GANAB: variants seen among roughly 807,000 people sequenced by gnomAD.
The protein encoded by GANAB is neutral alpha-glucosidase AB.
A neutral mutation model predicts 129.9 loss-of-function variants in GANAB; 35 were observed. That is an observed-to-expected ratio of 0.27 (90% CI 0.21 to 0.36). GANAB has a LOEUF of 0.36. Among genes scored for constraint, GANAB ranks in the 10% least tolerant of loss-of-function variants. The probability of loss-of-function intolerance (pLI) is 1.00; values close to 1 mark genes in which losing one functional copy is unlikely to be tolerated. For synonymous variants in GANAB, 482 were observed against 451.8 expected (o/e 1.07, Z -0.85); for missense variants, 939 against 1,221.0 (o/e 0.77, Z 3.44).
chr11:62,631,584 T>A (rs900938684), intron 9 of GANAB, among the ~76,000 whole-genome samples: 5 of 151,576 alleles, frequency 3.3e-5, no homozygotes, highest in African/African-American at 1.2e-4. Flanking sequence ...TGCCTCAGCC[T>A]CCCGAGTAGC....
intron 13 of GANAB, 112 bp downstream of exon 13, chr11:62,630,085 G>T: frequency 1.6e-6 from 2 of 1,289,352 alleles, no homozygotes; most frequent in African/African-American, 1.5e-5. Flanking sequence ...GATCATCAAG[G>T]CCCCCTGATA....
In GANAB at chr11:62,625,222, G is replaced by T. The variant is rs1195482560; in HGVS notation, c.*593C>A. ...CAGCTCTACAAGGAATCGGGGAGAG[G>T]AAAAGGGTAGAATGAGAGGGAAAAG... On this transcript the variant is annotated 3_prime_UTR_variant, in exon 24 of 24. Coordinates refer to ENST00000356638, the MANE Select transcript of GANAB (RefSeq NM_198334.3). 1 of 454,804 alleles carries T rather than the reference G, an allele frequency of 2.2e-6. No individual in the cohort carries two copies. The highest frequency in any genetic ancestry group is 2.4e-5 in the Admixed American group (1 of 42,552). The allele number at this position is 454,804 out of a possible 1,614,324, so 28.2% of individuals were successfully genotyped here. A position where few individuals can be genotyped will look rare whatever the true frequency, so the allele number is the denominator to read the frequency against.
chr11:62,632,333 C>T (rs1485581270), intron 9 of GANAB, among the ~76,000 whole-genome samples: 2 of 152,132 alleles, frequency 1.3e-5, no homozygotes, highest in South Asian at 2.1e-4. Flanking sequence ...GTACCTAGCA[C>T]GTAACACACT....
Position 62,628,829 on chromosome 11 carries a change from A to G in GANAB, c.2120T>C (p.Leu707Ser). The change falls in exon 17 of 24, where the codon TTG (leucine) becomes TCG (serine). Residue 707 changes from leucine (L) to serine (S), a missense_variant. By Grantham distance (145) the Leu-to-Ser change is moderately radical. Around this residue, in one of 5 missense-constraint regions of GANAB, gnomAD observed 147 missense variants for 282.4 expected, o/e 0.52. Coordinates refer to ENST00000356638, the MANE Select transcript of GANAB (RefSeq NM_198334.3). ...TAAGAGGGTGTACCAGAAGGGCAGC[A>G]AAGAATATCGCTGGCCCAAGGCATC... The part of the protein sequence containing the change: ...IRDALGQRYS[L>S]LPFWYTLLYQ... The G allele has an allele frequency of 6.2e-7, 1 of 1,613,976 alleles. No homozygotes were observed. Among genetic ancestry groups the G allele is most frequent in the Non-Finnish European group, 8.5e-7 (1 of 1,179,854 alleles).
chr11:62,646,564 C>A lies in GANAB; in HGVS notation c.36G>T (p.Arg12Ser). ...CCCCCAGATTCCGGGCTCCTCACCG[C>A]CTCCTACGCGCCGCCACTGCCGCTA... The part of the protein sequence containing the change: ...AAVAAVAARR[R>S]RSWASLVLAF... Residue 12 changes from arginine to serine, a missense_variant and splice_region_variant, in exon 1 of 24, where the codon AGG becomes AGT. Transcript: ENST00000356638. The A allele has an allele frequency of 6.2e-7, 1 of 1,613,684 alleles. No homozygotes were observed. The highest frequency in any genetic ancestry group is 8.5e-7 in the Non-Finnish European group (1 of 1,179,924).
At chr11:62,635,576 T>G (rs999663077) in intron 4 of GANAB, among the ~76,000 whole-genome samples, 4 of 107,368 alleles carry the variant, frequency 3.7e-5, no homozygotes, top group Non-Finnish European at 7.7e-5. Flanking sequence ...AAAAAACATT[T>G]TCCATATAGG....
Position 62,626,691 on chromosome 11 carries a change from C to A in GANAB, c.2398-7G>T, listed in dbSNP as rs369733064. 7 of 1,574,378 alleles carry A rather than the reference C, an allele frequency of 4.4e-6. No homozygotes were observed. The highest frequency in any genetic ancestry group is 1.7e-5 in the Admixed American group (1 of 57,796). On this transcript the variant is annotated splice_region_variant and splice_polypyrimidine_tract_variant and intron_variant, in intron 20 of 23. Transcript: ENST00000356638. ...CACGCTGGAACACAGGGATCTAGGG[C>A]AAGAGCAATGCCAGGATGAAGTTGC...
chr11:62,633,233 T>C lies in GANAB; in HGVS notation c.669A>G (p.Pro223=). 6.2e-7 allele frequency: 1 copy of C among 1,614,190 alleles called. No individual in the cohort carries two copies. Residue 223 remains proline (P), a synonymous_variant, in exon 7 of 24, where the codon CCA becomes CCG. Coordinates refer to ENST00000356638, the MANE Select transcript of GANAB (RefSeq NM_198334.3). ...ETQGKAEKDE[P]GAWEETFKTH... is the part of the protein sequence containing the mutation. The stretch of plus-strand genomic sequence containing the variant: ...TTTTGAATGTCTCCTCCCAGGCTCC[T>C]GGCTCATCTTTCTCTGCCTTCCCCT...
At chr11:62,637,486 C>T (rs1232397265) in intron 4 of GANAB, among the ~76,000 whole-genome samples, 1 of 152,114 alleles carries the variant, frequency 6.6e-6, no homozygotes, top group Non-Finnish European at 1.5e-5. Context: ...CTGATCATCT[C>T]CATATTCTAC....
At chr11:62,630,963 C>T in intron 10 of GANAB, 67 bp downstream of exon 10, 1 of 1,541,290 alleles carries the variant, frequency 6.5e-7, no homozygotes, top group Non-Finnish European at 8.9e-7. Flanking sequence ...GGCACAGGAT[C>T]TCTGAAAACA....
chr11:62,636,596 C>T (rs1272694876), intron 4 of GANAB, among the ~76,000 whole-genome samples: 2 of 152,164 alleles, frequency 1.3e-5, no homozygotes, highest in Non-Finnish European at 2.9e-5. Flanking sequence ...GCAGGTGGAT[C>T]ATGAGGTCAG....
At position 62,630,728 on chromosome 11, in the gene GANAB, T is replaced by C. The variant is rs146956329; in HGVS notation, c.1259A>G (p.Asn420Ser). The C allele has an allele frequency of 4.8e-4, 773 of 1,613,804 alleles. No homozygotes were observed. Among genetic ancestry groups the C allele is most frequent in the Non-Finnish European group, 6.2e-4 (729 of 1,179,736 alleles). Residue 420 changes from asparagine to serine, a missense_variant, in exon 11 of 24, where the codon AAC (asparagine) becomes AGC (serine). Coordinates refer to ENST00000356638, the MANE Select transcript of GANAB (RefSeq NM_198334.3). ...TAGCCAGATGACATCACAGGGCAGGTTGTGATCATCAAAGCCCTGATCCAC... is the reference window on the plus strand; with the variant it reads ...TAGCCAGATGACATCACAGGGCAGGCTGTGATCATCAAAGCCCTGATCCAC... The part of the protein sequence containing the change: ...LEVDQGFDDH[N>S]LPCDVIWLDI...
At chr11:62,641,187 T>A (rs1944239169) in intron 1 of GANAB, among the ~76,000 whole-genome samples, 1 of 151,222 alleles carries the variant, frequency 6.6e-6, no homozygotes, top group South Asian at 2.1e-4. Flanking sequence ...CTACTTAAAA[T>A]ACAAAAATTA....
intron 5 of GANAB, 180 bp from the exon 6 acceptor site, chr11:62,633,694 G>T (rs1943801633): frequency 6.5e-6 from 4 of 615,272 alleles, no homozygotes; most frequent in Non-Finnish European, 1.2e-5. Flanking sequence ...TGCAAAGGAT[G>T]GGGAGAGAAA....
At chr11:62,639,156 C>T in intron 3 of GANAB, 46 bp from the exon 4 acceptor site, 1 of 1,605,320 alleles carries the variant, frequency 6.2e-7, no homozygotes, top group Non-Finnish European at 8.5e-7. Flanking sequence ...ATGGGATACA[C>T]CATGGAATGC....
At position 62,632,641 on chromosome 11, in the gene GANAB, G is replaced by T; in HGVS notation, c.920C>A (p.Pro307His). 1.2e-6 allele frequency: 2 copies of T among 1,614,012 alleles called. No homozygotes were observed. Among genetic ancestry groups the T allele is most frequent in the Admixed American group, 3.3e-5 (2 of 60,016 alleles). The change falls in exon 9 of 24, where the codon CCT (proline) becomes CAT (histidine). Residue 307 changes from proline to histidine, a missense_variant. Pro to His is a moderately conservative substitution (Grantham distance 77). Transcript: ENST00000356638. ...GSVPVLLAHNPHRDLGIFWLN... is the reference protein window; with the variant it reads ...GSVPVLLAHNHHRDLGIFWLN... ...CCAGAAGATGCCCAAGTCGCGATGA[G>T]GGTTGTGTGCCAGGAGCACAGGCAC...
chr11:62,639,745 G>A lies in GANAB; in HGVS notation c.39-14C>T, dbSNP rs768039278. 4 of 1,571,536 alleles carry A rather than the reference G, an allele frequency of 2.5e-6. No individual in the cohort carries two copies. The highest frequency in any genetic ancestry group is 2.2e-5 in the East Asian group (1 of 44,670). On this transcript the variant is annotated splice_polypyrimidine_tract_variant and intron_variant, in intron 1 of 23. Coordinates refer to ENST00000356638, the MANE Select transcript of GANAB (RefSeq NM_198334.3). ...GACGCCCAAGACCTAAGGAGAAAAGGACAAAGACAGAGCAATCAGCATGGA... is the reference window on the plus strand; with the variant it reads ...GACGCCCAAGACCTAAGGAGAAAAGAACAAAGACAGAGCAATCAGCATGGA...
intron 13 of GANAB, 31 bp downstream of exon 13, chr11:62,630,166 G>A (rs775710075): frequency 2.0e-6 from 3 of 1,527,220 alleles, no homozygotes; most frequent in Non-Finnish European, 2.7e-6. Flanking sequence ...GGAACAGACA[G>A]ACGCAGGTCA....
At chr11:62,640,590 T>C (rs1944204567) in intron 1 of GANAB, among the ~76,000 whole-genome samples, 1 of 136,166 alleles carries the variant, frequency 7.3e-6, no homozygotes, top group Non-Finnish European at 1.6e-5. Flanking sequence ...TCCCAGCACT[T>C]AGGGAGGCCA....
Sources: gnomAD v4.1 joint callset for allele counts (sites outside exome capture counted in the v4.1 genomes callset) on GRCh38, gnomAD v4.1.1 for gene constraint, gnomAD v4.1.1 regional missense constraint, MANE v1.5 for transcripts, NCBI Gene and HGNC (gene_info 2026-07-23, HGNC 2026-07-21) for gene names.